SEMA3E: variants seen among roughly 807,000 people sequenced by gnomAD.
The protein encoded by SEMA3E is semaphorin 3E.
In SEMA3E, 49 loss-of-function variants were observed where a neutral mutation model predicts 93.6. That is an observed-to-expected ratio of 0.52 (90% CI 0.42 to 0.66). The LOEUF (loss-of-function observed/expected upper bound fraction) is 0.66. SEMA3E is among the 30% of genes least tolerant of loss of function. The pLI is 0.00. For synonymous variants in SEMA3E, 363 were observed against 330.7 expected (o/e 1.10, Z -1.06); for missense variants, 906 against 964.8 (o/e 0.94, Z 0.81).
intron 1 of SEMA3E, among the ~76,000 whole-genome samples, chr7:83,515,244 G>C (rs73707871): frequency 0.015 from 2,297 of 149,976 alleles, 44 homozygotes; most frequent in African/African-American, 0.044. Context: ...TGCTGCAGGT[G>C]CTTTACTTTG....
intron 16 of SEMA3E, among the ~76,000 whole-genome samples, chr7:83,380,085 T>C (rs75243589): frequency 0.023 from 3,504 of 151,944 alleles, 136 homozygotes; most frequent in African/African-American, 0.08. Flanking sequence ...ACTCAACAAC[T>C]TTCTCCCAAA....
intron 1 of SEMA3E, among the ~76,000 whole-genome samples, chr7:83,532,165 C>A (rs1363289510): frequency 6.6e-6 from 1 of 152,088 alleles, no homozygotes; most frequent in Admixed American, 6.6e-5. Flanking sequence ...TTCATTTCAA[C>A]ACCTCTTTAT....
At chr7:83,532,441 A>G (rs1298009121) in intron 1 of SEMA3E, among the ~76,000 whole-genome samples, 1 of 152,216 alleles carries the variant, frequency 6.6e-6, no homozygotes, top group African/African-American at 2.4e-5. Flanking sequence ...AGTGACTGGC[A>G]CATCACAGGA....
At chr7:83,541,324 A>G (rs1301431058) in intron 1 of SEMA3E, among the ~76,000 whole-genome samples, 1 of 152,210 alleles carries the variant, frequency 6.6e-6, no homozygotes, top group Non-Finnish European at 1.5e-5. Flanking sequence ...TTTTATCTAT[A>G]GCATTCAACA....
chr7:83,426,603 C>A (rs1372266440), intron 4 of SEMA3E, among the ~76,000 whole-genome samples: 2 of 152,114 alleles, frequency 1.3e-5, no homozygotes, highest in African/African-American at 4.8e-5. Flanking sequence ...TGGGATTAAT[C>A]AAGACCCAAA....
chr7:83,503,491 T>G (rs1790637489), intron 1 of SEMA3E, among the ~76,000 whole-genome samples: 1 of 152,190 alleles, frequency 6.6e-6, no homozygotes, highest in African/African-American at 2.4e-5. Flanking sequence ...TTTAAATTTC[T>G]AGGAGTTTTC....
At chr7:83,389,720 A>G (rs562331185) in intron 14 of SEMA3E, among the ~76,000 whole-genome samples, 1 of 149,192 alleles carries the variant, frequency 6.7e-6, no homozygotes, top group Admixed American at 6.7e-5. Context: ...ACACGTATAT[A>G]TTACATGTAT....
chr7:83,487,205 A>G (rs955600928), intron 2 of SEMA3E, among the ~76,000 whole-genome samples: 1 of 152,134 alleles, frequency 6.6e-6, no homozygotes, highest in Admixed American at 6.6e-5. Flanking sequence ...TCACATTACA[A>G]TGAGAAGCTG....
intron 5 of SEMA3E, among the ~76,000 whole-genome samples, chr7:83,409,903 T>C (rs975276979): frequency 6.6e-6 from 1 of 151,578 alleles, no homozygotes; most frequent in African/African-American, 2.4e-5. Context: ...ATCAATTAAA[T>C]TATATATAAG....
At chr7:83,379,032 G>A (rs576229919) in intron 16 of SEMA3E, among the ~76,000 whole-genome samples, 25 of 151,816 alleles carry the variant, frequency 1.6e-4, no homozygotes, top group Non-Finnish European at 2.9e-4. Context: ...TAAAGAAAAC[G>A]TGGCATATAT....
At position 83,365,213 on chromosome 7, in the gene SEMA3E, G is replaced by A. The variant is rs1456507064; in HGVS notation, c.*2373C>T. On this transcript the variant is annotated 3_prime_UTR_variant, in exon 17 of 17. Transcript: ENST00000643230. ...ATGGTGGGACATGAAACATATCCTTGGAAACTGCTTTCTCTCTCCCTTCGT... is the reference window on the plus strand; with the variant it reads ...ATGGTGGGACATGAAACATATCCTTAGAAACTGCTTTCTCTCTCCCTTCGT... The A allele has an allele frequency of 6.6e-6, 1 of 151,834 alleles. No individual in the cohort carries two copies. Among genetic ancestry groups the A allele is most frequent in the African/African-American group, 2.4e-5 (1 of 41,336 alleles). 9.4% of individuals were successfully genotyped at this position (151,834 alleles called of 1,614,324 possible).
chr7:83,506,377 A>G (rs1213671785), intron 1 of SEMA3E, among the ~76,000 whole-genome samples: 2 of 152,194 alleles, frequency 1.3e-5, no homozygotes, highest in Non-Finnish European at 1.5e-5. Flanking sequence ...CAGGAAGTCA[A>G]ATATCACATC....
At chr7:83,616,580 A>G (rs868566768) in intron 1 of SEMA3E, 4 of 317,162 alleles carry the variant, frequency 1.3e-5, no homozygotes, top group Middle Eastern at 4.1e-4. Flanking sequence ...CTTTCCCCTG[A>G]AACTCCACTA....
rs1311467082 is a variant in SEMA3E at position 83,551,814 on chromosome 7, C to T, written c.116-61540G>A. 2.0e-5 allele frequency among the ~76,000 whole-genome samples: 3 copies of T among 152,182 alleles called. No individual in the cohort carries two copies. In the East Asian group the frequency reaches 5.8e-4, roughly 29 times the overall value. On this transcript the variant is annotated intron_variant, in intron 1 of 16. Transcript: ENST00000643230. ...GGGTGTGGGGCTATCTTGTGCTTTG[C>T]AGGACATGTAGCAGCATCCCTAGCC...
intron 1 of SEMA3E, among the ~76,000 whole-genome samples, chr7:83,528,644 T>G (rs1791219860): frequency 6.6e-6 from 1 of 152,132 alleles, no homozygotes; most frequent in African/African-American, 2.4e-5. Context: ...ATAAAAGCTA[T>G]TCTTATCCAA....
chr7:83,612,145 A>T (rs910465113), intron 1 of SEMA3E, among the ~76,000 whole-genome samples: 18 of 152,154 alleles, frequency 1.2e-4, no homozygotes, highest in African/African-American at 3.9e-4. Context: ...TCCTATGTAA[A>T]AAAGAATCCC....
chr7:83,520,424 A>T (rs1315258484), intron 1 of SEMA3E, among the ~76,000 whole-genome samples: 1 of 152,038 alleles, frequency 6.6e-6, no homozygotes, highest in Non-Finnish European at 1.5e-5. Context: ...TCTCCGTATA[A>T]TCTAGCACAA....
At chr7:83,579,514 T>C (rs114905362) in intron 1 of SEMA3E, among the ~76,000 whole-genome samples, 2,667 of 152,204 alleles carry the variant, frequency 0.018, 76 homozygotes, top group African/African-American at 0.059. Flanking sequence ...ATGAATAAAA[T>C]TGGCCCACTG....
At chr7:83,440,249 T>A (rs1789085122) in intron 4 of SEMA3E, among the ~76,000 whole-genome samples, 1 of 152,022 alleles carries the variant, frequency 6.6e-6, no homozygotes, top group Admixed American at 6.6e-5. Context: ...ATCTCTATAA[T>A]GAGGTACATA....
Sources: gnomAD v4.1 joint callset for allele counts (sites outside exome capture counted in the v4.1 genomes callset) on GRCh38, gnomAD v4.1.1 for gene constraint, MANE v1.5 for transcripts, NCBI Gene and HGNC (gene_info 2026-07-23, HGNC 2026-07-21) for gene names.